TASP1: variants seen among roughly 807,000 people sequenced by gnomAD.
The protein encoded by TASP1 is threonine aspartase 1.
A neutral mutation model predicts 56.6 loss-of-function variants in TASP1; 16 were observed. The ratio of observed to expected loss-of-function variants is 0.28; its 90% CI spans 0.19 to 0.43. TASP1 has a LOEUF of 0.43. TASP1 is among the 20% of genes least tolerant of loss of function. The probability of loss-of-function intolerance (pLI) is 1.00; values close to 1 mark genes in which losing one functional copy is unlikely to be tolerated. For synonymous variants in TASP1, 179 were observed against 184.2 expected (o/e 0.97, Z 0.23); for missense variants, 393 against 511.6 (o/e 0.77, Z 2.24).
chr20:13,267,312 G>A, the TASP1 span, among the ~76,000 whole-genome samples: 1 of 152,172 alleles, frequency 6.6e-6, no homozygotes, highest in Non-Finnish European at 1.5e-5. Context: ...TGTCTGGGGG[G>A]CAGGGCGGTT....
chr20:13,187,004 T>C, the TASP1 span, among the ~76,000 whole-genome samples: 5 of 152,164 alleles, frequency 3.3e-5, no homozygotes, highest in Non-Finnish European at 5.9e-5. Context: ...CAAGAAGAGA[T>C]GGGTAATGTA....
At chr20:13,311,243 T>TAGATAGATAGATGATTGATA in the TASP1 span, among the ~76,000 whole-genome samples, 1 of 127,860 alleles carries the variant, frequency 7.8e-6, no homozygotes, top group African/African-American at 3.0e-5. Flanking sequence ...GATAGATAGA[T>TAGATAGATAGATGATTGATA]GATAGATAGA....
chr20:13,410,186 T>C (rs900201189), intron 13 of TASP1, among the ~76,000 whole-genome samples: 1 of 152,192 alleles, frequency 6.6e-6, no homozygotes, highest in South Asian at 2.1e-4. Context: ...TAGTATTCCA[T>C]TGTGTATACA....
the TASP1 span, among the ~76,000 whole-genome samples, chr20:13,315,236 A>G: frequency 6.6e-6 from 1 of 152,068 alleles, no homozygotes; most frequent in African/African-American, 2.4e-5. Context: ...AAATATACCA[A>G]TTGAAAAACA....
intron 12 of TASP1, among the ~76,000 whole-genome samples, chr20:13,422,175 G>A (rs752954060): frequency 7.3e-5 from 11 of 151,702 alleles, no homozygotes; most frequent in African/African-American, 1.2e-4. Flanking sequence ...ATGGTCTCTC[G>A]TTCTCCTGAC....
intron 11 of TASP1, among the ~76,000 whole-genome samples, chr20:13,454,840 C>A (rs955129537): frequency 1.3e-5 from 2 of 152,108 alleles, no homozygotes; most frequent in Non-Finnish European, 2.9e-5. Context: ...CCTAATTCAG[C>A]AGAGCTCCAA....
At chr20:13,568,000 T>C (rs571597088) in intron 7 of TASP1, among the ~76,000 whole-genome samples, 1 of 152,236 alleles carries the variant, frequency 6.6e-6, no homozygotes, top group African/African-American at 2.4e-5. Context: ...TAAAATAAGT[T>C]CCATTGGAAA....
chr20:13,624,539 T>A (rs2048820952), intron 3 of TASP1, among the ~76,000 whole-genome samples: 1 of 152,182 alleles, frequency 6.6e-6, no homozygotes, highest in Non-Finnish European at 1.5e-5. Context: ...GAGACGCATA[T>A]TTACTTGATA....
intron 7 of TASP1, among the ~76,000 whole-genome samples, chr20:13,565,667 A>T (rs1289216986): frequency 6.6e-6 from 1 of 152,210 alleles, no homozygotes; most frequent in Non-Finnish European, 1.5e-5. Flanking sequence ...TTAGGATGCC[A>T]ACTATTTTTT....
the TASP1 span, among the ~76,000 whole-genome samples, chr20:13,381,716 G>T: frequency 6.6e-6 from 1 of 152,124 alleles, no homozygotes; most frequent in South Asian, 2.1e-4. Flanking sequence ...TCTTTGGAGA[G>T]GGCATCAGTG....
At chr20:13,527,757 C>T (rs780511382) in intron 10 of TASP1, among the ~76,000 whole-genome samples, 2 of 151,708 alleles carry the variant, frequency 1.3e-5, no homozygotes, top group Non-Finnish European at 2.9e-5. Context: ...TGGAAATGTA[C>T]CTTGTAAGTT....
At chr20:13,422,581 T>C (rs3945993) in intron 12 of TASP1, among the ~76,000 whole-genome samples, 2 of 152,204 alleles carry the variant, frequency 1.3e-5, no homozygotes, top group African/African-American at 4.8e-5. Context: ...TCTGCCTAAA[T>C]GAAGCTTATC....
the TASP1 span, among the ~76,000 whole-genome samples, chr20:13,188,858 T>G: frequency 6.6e-6 from 1 of 152,178 alleles, no homozygotes; most frequent in Non-Finnish European, 1.5e-5. Flanking sequence ...TCAGAAAAAT[T>G]GAAAACCTAA....
At chr20:13,244,158 G>A in the TASP1 span, 1 of 152,172 alleles carries the variant, frequency 6.6e-6, no homozygotes, top group Non-Finnish European at 1.5e-5. Context: ...ATAAACCTAG[G>A]CAGAGAGAAA....
At chr20:13,314,032 G>A in the TASP1 span, among the ~76,000 whole-genome samples, 342 of 152,190 alleles carry the variant, frequency 2.2e-3, no homozygotes, top group African/African-American at 7.9e-3. Flanking sequence ...CTTGACTGAA[G>A]AAAGAATCTC....
the TASP1 span, among the ~76,000 whole-genome samples, chr20:13,328,110 GA>G: frequency 1.3e-5 from 2 of 151,460 alleles, no homozygotes; most frequent in South Asian, 4.2e-4. Context: ...AAATTTACAA[GA>G]AAAAAAACCA....
chr20:13,112,319 C>T, the TASP1 span, among the ~76,000 whole-genome samples: 1 of 152,206 alleles, frequency 6.6e-6, no homozygotes, highest in Non-Finnish European at 1.5e-5. Context: ...CTCTTCCACA[C>T]AGCTTTCTCT....
At chr20:13,554,905 T>C (rs1168599521) in intron 8 of TASP1, among the ~76,000 whole-genome samples, 1 of 152,200 alleles carries the variant, frequency 6.6e-6, no homozygotes, top group Non-Finnish European at 1.5e-5. Context: ...ATACATGAGA[T>C]GGCTGTGGCA....
chr20:13,472,879 T>C (rs1472955743), intron 11 of TASP1, among the ~76,000 whole-genome samples: 3 of 151,890 alleles, frequency 2.0e-5, no homozygotes, highest in South Asian at 2.1e-4. Context: ...GCTTTTACAC[T>C]GTTGGTGGGA....
Sources: gnomAD v4.1 joint callset for allele counts (sites outside exome capture counted in the v4.1 genomes callset) on GRCh38, gnomAD v4.1.1 for gene constraint, MANE v1.5 for transcripts, NCBI Gene and HGNC (gene_info 2026-07-23, HGNC 2026-07-21) for gene names.